CDK17: variants seen among roughly 807,000 people sequenced by gnomAD.
The protein encoded by CDK17 is cyclin dependent kinase 17, also known as cyclin-dependent kinase 17.
A neutral mutation model predicts 77.6 loss-of-function variants in CDK17; 24 were observed. That is an observed-to-expected ratio of 0.31 (90% CI 0.22 to 0.44). CDK17 has a LOEUF of 0.44. Among genes scored for constraint, CDK17 ranks in the 20% least tolerant of loss-of-function variants. The pLI is 1.00. For missense variants in CDK17, 429 were observed against 622.5 expected (o/e 0.69, Z 3.31); for synonymous variants, 203 against 210.4 (o/e 0.96, Z 0.30).
chr12:96,312,233 C>T (rs1026532836), intron 4 of CDK17, among the ~76,000 whole-genome samples: 4 of 152,042 alleles, frequency 2.6e-5, no homozygotes. Context: ...GCTGAGATCC[C>T]ACCACTGTAC....
intron 3 of CDK17, among the ~76,000 whole-genome samples, chr12:96,314,869 T>C (rs1388206763): frequency 6.6e-6 from 1 of 152,256 alleles, no homozygotes; most frequent in Admixed American, 6.5e-5. Context: ...CTTCAAACTA[T>C]GCTCATGTGT....
In CDK17 at chr12:96,279,198, C is replaced by T. The variant is rs976847254; in HGVS notation, c.*1044G>A. The T allele has an allele frequency of 2.0e-5, 3 of 152,082 alleles. No individual in the cohort carries two copies. Among genetic ancestry groups the T allele is most frequent in the Non-Finnish European group, 4.4e-5 (3 of 67,950 alleles). 9.4% of individuals were successfully genotyped at this position (152,082 alleles called of 1,614,324 possible). A position where few individuals can be genotyped will look rare whatever the true frequency, so the allele number is the denominator to read the frequency against. ...AGTATCTCTGGTAAACAGATAATAC[C>T]CACAATAATTTCAAGCAATCCTGTA... On this transcript the variant is annotated 3_prime_UTR_variant, in exon 17 of 17. Transcript: ENST00000261211.
At chr12:96,329,281 G>A (rs1228637207) in intron 2 of CDK17, among the ~76,000 whole-genome samples, 1 of 152,070 alleles carries the variant, frequency 6.6e-6, no homozygotes, top group Non-Finnish European at 1.5e-5. Flanking sequence ...ACTATAAAAT[G>A]TTAAACTTTG....
At chr12:96,386,646 A>C (rs541215134) in intron 1 of CDK17, among the ~76,000 whole-genome samples, 1 of 152,308 alleles carries the variant, frequency 6.6e-6, no homozygotes, top group East Asian at 1.9e-4. Context: ...AGACAGAAAG[A>C]GGCCTTGTCT....
chr12:96,300,194 T>G (rs1952477186), intron 6 of CDK17, 110 bp downstream of exon 6: 4 of 744,536 alleles, frequency 5.4e-6, no homozygotes, highest in Non-Finnish European at 9.5e-6. Flanking sequence ...TATAATCTTG[T>G]AGACATCAGT....
chr12:96,399,700 G>A (rs552107959), intron 1 of CDK17, among the ~76,000 whole-genome samples: 107 of 152,252 alleles, frequency 7.0e-4, no homozygotes, highest in African/African-American at 2.4e-3. Flanking sequence ...CGGAGGCGGC[G>A]GCGTCTATAT....
At chr12:96,358,866 A>G (rs991553565) in intron 1 of CDK17, among the ~76,000 whole-genome samples, 2 of 63,998 alleles carry the variant, frequency 3.1e-5, no homozygotes, top group Admixed American at 3.4e-4. Flanking sequence ...CCCCACCCCA[A>G]AAAAGGGATA....
intron 2 of CDK17, among the ~76,000 whole-genome samples, chr12:96,326,288 G>C (rs1411942805): frequency 2.0e-5 from 3 of 152,118 alleles, no homozygotes; most frequent in African/African-American, 7.2e-5. Context: ...ACAAAGTACT[G>C]ATCTCAGAGT....
intron 3 of CDK17, among the ~76,000 whole-genome samples, chr12:96,314,980 A>T (rs1030823640): frequency 2.0e-5 from 3 of 152,116 alleles, no homozygotes; most frequent in Non-Finnish European, 4.4e-5. Context: ...ATTTTATAAG[A>T]TCCTTGGGGA....
intron 1 of CDK17, among the ~76,000 whole-genome samples, chr12:96,347,752 T>A (rs940188913): frequency 1.3e-5 from 2 of 151,904 alleles, no homozygotes; most frequent in Non-Finnish European, 2.9e-5. Flanking sequence ...GAATACACAC[T>A]CTTCAAGCGC....
intron 5 of CDK17, among the ~76,000 whole-genome samples, chr12:96,307,817 C>T (rs962374789): frequency 3.9e-5 from 6 of 152,026 alleles, no homozygotes; most frequent in African/African-American, 7.2e-5. Flanking sequence ...TGCAACGAGC[C>T]GAGATCGCGC....
At chr12:96,347,605 A>G (rs1250287540) in intron 1 of CDK17, among the ~76,000 whole-genome samples, 3 of 9,974 alleles carry the variant, frequency 3.0e-4, no homozygotes, top group Non-Finnish European at 5.1e-4. Context: ...AGGGAGGGGA[A>G]GGGAGGGGAA....
intron 1 of CDK17, among the ~76,000 whole-genome samples, chr12:96,356,013 T>C (rs1394658971): frequency 1.3e-5 from 2 of 152,156 alleles, no homozygotes; most frequent in Non-Finnish European, 2.9e-5. Flanking sequence ...AAAAGTATTA[T>C]TCATTCATTT....
chr12:96,330,935 T>C (rs892443150), intron 2 of CDK17, among the ~76,000 whole-genome samples: 2 of 152,110 alleles, frequency 1.3e-5, no homozygotes, highest in African/African-American at 4.8e-5. Flanking sequence ...TAAATTAATT[T>C]TTGACAGGTG....
chr12:96,394,458 T>C (rs1284402755), intron 1 of CDK17, among the ~76,000 whole-genome samples: 2 of 152,080 alleles, frequency 1.3e-5, no homozygotes, highest in Admixed American at 6.6e-5. Context: ...ACACAAAATG[T>C]AGAGTATTCT....
At chr12:96,366,733 A>G (rs921925234) in intron 1 of CDK17, among the ~76,000 whole-genome samples, 7 of 152,188 alleles carry the variant, frequency 4.6e-5, no homozygotes, top group African/African-American at 1.7e-4. Flanking sequence ...CAGTGGTCTT[A>G]TAAGGATTTA....
rs1431227012 is a variant in CDK17 at position 96,279,117 on chromosome 12, C to T, written c.*1125G>A. ...ACAAAAATGCTTAAAATACTGTTAC[C>T]AACACCAAAGTGTGTTTATGATGTT... is the stretch of plus-strand genomic sequence containing the variant. On this transcript the variant is annotated 3_prime_UTR_variant, in exon 17 of 17. Transcript: ENST00000261211. The T allele has an allele frequency of 2.6e-5, 4 of 152,354 alleles. No homozygotes were observed. Among genetic ancestry groups the T allele is most frequent in the Non-Finnish European group, 5.9e-5 (4 of 67,958 alleles). 9.4% of individuals were successfully genotyped at this position (152,354 alleles called of 1,614,324 possible).
intron 3 of CDK17, among the ~76,000 whole-genome samples, chr12:96,322,157 A>C (rs904682539): frequency 1.7e-4 from 26 of 152,194 alleles, no homozygotes; most frequent in African/African-American, 6.0e-4. Context: ...CCATCAAGAC[A>C]AACGTGAAAC....
intron 1 of CDK17, among the ~76,000 whole-genome samples, chr12:96,365,303 T>C (rs1156371759): frequency 1.3e-5 from 2 of 152,178 alleles, no homozygotes; most frequent in Admixed American, 1.3e-4. Flanking sequence ...AGTCTTTACA[T>C]CCATCATTTT....
Sources: gnomAD v4.1 joint callset for allele counts (sites outside exome capture counted in the v4.1 genomes callset) on GRCh38, gnomAD v4.1.1 for gene constraint, MANE v1.5 for transcripts, NCBI Gene and HGNC (gene_info 2026-07-23, HGNC 2026-07-21) for gene names.